Variants in PCDH15 observed in about 807,000 individuals in gnomAD.
PCDH15 encodes protocadherin related 15, also known as protocadherin-15.
Under a neutral mutation model 178.5 loss-of-function variants are expected in PCDH15, and 129 were observed. The observed-to-expected ratio is 0.72, with a 90% confidence interval of 0.63 to 0.84. PCDH15 has a LOEUF of 0.84. Ranked by LOEUF, PCDH15 falls within the 40% of genes least tolerant of loss-of-function variation. PCDH15 has a pLI of 0.00. For missense variants in PCDH15, 2,230 were observed against 2,099.9 expected (o/e 1.06, Z -1.21); for synonymous variants, 800 against 732.0 (o/e 1.09, Z -1.50).
At chr10:55,563,910 T>C (rs1476674199) in intron 2 of PCDH15, among the ~76,000 whole-genome samples, 1 of 151,892 alleles carries the variant, frequency 6.6e-6, no homozygotes, top group African/African-American at 2.4e-5. Flanking sequence ...TTAACCGCTA[T>C]AAATGCTCAA....
At chr10:54,152,321 TAA>T (rs1352728009) in intron 14 of PCDH15, among the ~76,000 whole-genome samples, 2 of 152,268 alleles carry the variant, frequency 1.3e-5, no homozygotes, top group African/African-American at 2.4e-5. Flanking sequence ...CCATTGTCAA[TAA>T]AAGAGGATAA....
At chr10:55,474,467 T>A (rs375055624) in intron 2 of PCDH15, among the ~76,000 whole-genome samples, 2 of 152,202 alleles carry the variant, frequency 1.3e-5, no homozygotes, top group African/African-American at 4.8e-5. Flanking sequence ...CTTCTAAAGT[T>A]TTTAGATGAG....
At chr10:54,047,488 G>A (rs10825208) in intron 18 of PCDH15, among the ~76,000 whole-genome samples, 71,836 of 151,466 alleles carry the variant, frequency 0.47, 17,401 homozygotes, top group Middle Eastern at 0.64. Flanking sequence ...GATATCTGGG[G>A]TACTAATAAT....
intron 2 of PCDH15, among the ~76,000 whole-genome samples, chr10:55,490,324 T>C (rs1162753629): frequency 6.6e-6 from 1 of 151,492 alleles, no homozygotes; most frequent in African/African-American, 2.4e-5. Flanking sequence ...AGAGACAGAG[T>C]TCCACAAAGA....
chr10:53,846,609 A>G (rs1223558105), intron 28 of PCDH15, among the ~76,000 whole-genome samples: 1 of 151,974 alleles, frequency 6.6e-6, no homozygotes, highest in Non-Finnish European at 1.5e-5. Flanking sequence ...CGCTTAACTT[A>G]CTTATTCTTG....
intron 1 of PCDH15, among the ~76,000 whole-genome samples, chr10:54,724,969 C>T (rs1566047339): frequency 6.6e-6 from 1 of 151,146 alleles, no homozygotes; most frequent in Non-Finnish European, 1.5e-5. Context: ...TGCACACATA[C>T]ATACATATAT....
intron 2 of PCDH15, among the ~76,000 whole-genome samples, chr10:55,575,308 G>C (rs1416634519): frequency 6.6e-6 from 1 of 151,964 alleles, no homozygotes; most frequent in East Asian, 1.9e-4. Flanking sequence ...TACAATCAGA[G>C]GTAAAAAAAG....
At chr10:54,599,118 G>A (rs2092394467) in intron 2 of PCDH15, among the ~76,000 whole-genome samples, 1 of 151,338 alleles carries the variant, frequency 6.6e-6, no homozygotes, top group Non-Finnish European at 1.5e-5. Flanking sequence ...TATCCAATTA[G>A]CAATTACATT....
intron 8 of PCDH15, among the ~76,000 whole-genome samples, chr10:54,262,901 G>T (rs1393786018): frequency 6.6e-6 from 1 of 151,478 alleles, no homozygotes; most frequent in African/African-American, 2.4e-5. Flanking sequence ...GCGAGTGTCT[G>T]TGGGAGATCT....
At chr10:54,140,321 T>A (rs72797058) in intron 14 of PCDH15, among the ~76,000 whole-genome samples, 26,553 of 152,066 alleles carry the variant, frequency 0.17, 2,605 homozygotes, top group Admixed American at 0.21. Flanking sequence ...TGTATAGTGG[T>A]ACTGCTGGAC....
intron 2 of PCDH15, among the ~76,000 whole-genome samples, chr10:55,008,942 A>G (rs921049535): frequency 6.6e-6 from 1 of 152,110 alleles, no homozygotes; most frequent in African/African-American, 2.4e-5. Context: ...TATTAGTATA[A>G]AAGATGTTTC....
chr10:53,934,510 A>ACCC (rs2085384068), intron 25 of PCDH15, among the ~76,000 whole-genome samples: 1 of 151,928 alleles, frequency 6.6e-6, no homozygotes, highest in Non-Finnish European at 1.5e-5. Context: ...AGGCAGGAGA[A>ACCC]TGGTGTGAAC....
At chr10:55,351,527 C>T (rs138385502) in intron 2 of PCDH15, among the ~76,000 whole-genome samples, 48 of 152,150 alleles carry the variant, frequency 3.2e-4, no homozygotes, top group Middle Eastern at 3.4e-3. Flanking sequence ...AACAGTAATC[C>T]GCTTTTTCAC....
At chr10:55,325,265 C>T (rs1407827355) in intron 2 of PCDH15, among the ~76,000 whole-genome samples, 2 of 151,956 alleles carry the variant, frequency 1.3e-5, no homozygotes, top group Admixed American at 1.3e-4. Flanking sequence ...ATAGCTTGGG[C>T]AACCCTAAGC....
chr10:55,204,156 T>C lies in PCDH15; in HGVS notation c.-155-37505A>G, dbSNP rs370179295. On this transcript the variant is annotated intron_variant, in intron 1 of 5. Transcript: ENST00000458638. ...TTAAATGTGTAATTTAAATATTTAATATATTTAAAGGATTTTATACTAATA... is the reference window on the plus strand; with the variant it reads ...TTAAATGTGTAATTTAAATATTTAACATATTTAAAGGATTTTATACTAATA... Among the ~76,000 whole-genome samples, 29 of 148,712 alleles carry C rather than the reference T, an allele frequency of 2.0e-4. No individual in the cohort carries two copies. The South Asian group carries it at 6.1e-3, about 31-fold the overall frequency.
intron 3 of PCDH15, among the ~76,000 whole-genome samples, chr10:54,881,381 G>T (rs1045827595): frequency 6.6e-6 from 1 of 152,018 alleles, no homozygotes; most frequent in Non-Finnish European, 1.5e-5. Context: ...GCGATATTTA[G>T]TTCATTTTCT....
At chr10:54,185,474 T>C (rs956420041) in intron 11 of PCDH15, among the ~76,000 whole-genome samples, 9 of 151,596 alleles carry the variant, frequency 5.9e-5, no homozygotes, top group African/African-American at 2.2e-4. Flanking sequence ...GAATACAAAA[T>C]ACTGAAATAC....
chr10:55,468,458 T>G (rs995106270), intron 2 of PCDH15: 1 of 152,206 alleles, frequency 6.6e-6, no homozygotes, highest in African/African-American at 2.4e-5. Context: ...AAATTTTAAC[T>G]TGTGGGCGAA....
Position 55,348,362 on chromosome 10 carries a change from C to T in PCDH15, c.-155-181711G>A, listed in dbSNP as rs913654577. Among the ~76,000 whole-genome samples, 5 of 151,970 alleles carry T rather than the reference C, an allele frequency of 3.3e-5. No individual in the cohort carries two copies. The East Asian group carries it at 9.7e-4, about 29-fold the overall frequency. ...GTCCTGTTACGTGTGTTTGAAATAACACACAAATTCCATTCCTTTTTCCTG... is the reference window on the plus strand; with the variant it reads ...GTCCTGTTACGTGTGTTTGAAATAATACACAAATTCCATTCCTTTTTCCTG... On this transcript the variant is annotated intron_variant, in intron 2 of 5. Transcript: ENST00000613346.
Sources: allele counts gnomAD v4.1 joint callset (sites outside exome capture counted in the v4.1 genomes callset), GRCh38; gene constraint gnomAD v4.1.1; transcripts MANE v1.5; gene names NCBI Gene and HGNC (gene_info 2026-07-23, HGNC 2026-07-21).